The following DRC2 variants were observed in gnomAD, a reference collection of about 807,000 sequenced individuals.
DRC2 encodes the protein dynein regulatory complex subunit 2.
At chr12:48,904,259 G>A in the DRC2 span, 1 of 1,523,708 alleles carries the variant, frequency 6.6e-7, no homozygotes, top group Admixed American at 2.2e-5. Flanking sequence ...CCCTTTCTAG[G>A]GACATTTTTC....
the DRC2 span, among the ~76,000 whole-genome samples, chr12:48,910,922 A>G: frequency 6.6e-6 from 1 of 152,072 alleles, no homozygotes; most frequent in Non-Finnish European, 1.5e-5. Context: ...GTATGTGCCT[A>G]TAGTCCCAGC....
the DRC2 span, chr12:48,904,202 A>C: frequency 4.2e-6 from 5 of 1,201,000 alleles, no homozygotes; most frequent in East Asian, 2.4e-5. Flanking sequence ...GAGGGCTGAG[A>C]TCTCCGGTCC....
the DRC2 span, among the ~76,000 whole-genome samples, chr12:48,905,794 A>G: frequency 6.6e-6 from 1 of 151,980 alleles, no homozygotes; most frequent in South Asian, 2.1e-4. Context: ...TTTATTTGAC[A>G]TGGAGTCTTG....
the DRC2 span, among the ~76,000 whole-genome samples, chr12:48,912,905 A>C: frequency 4.5e-4 from 68 of 152,054 alleles, no homozygotes; most frequent in Middle Eastern, 3.4e-3. Context: ...TGGGAGGCCA[A>C]GCCAGGTGGA....
At chr12:48,916,472 C>T in the DRC2 span, among the ~76,000 whole-genome samples, 48,621 of 150,952 alleles carry the variant, frequency 0.32, 8,751 homozygotes, top group Admixed American at 0.47. Context: ...TGGAGGCGCG[C>T]GCCTGCAATC....
At chr12:48,921,408 G>A in the DRC2 span, 1 of 1,612,330 alleles carries the variant, frequency 6.2e-7, no homozygotes, top group South Asian at 1.1e-5. Context: ...CATACGTATA[G>A]CCCATCCAGG....
chr12:48,904,764 T>A, the DRC2 span, among the ~76,000 whole-genome samples: 1 of 152,202 alleles, frequency 6.6e-6, no homozygotes, highest in Non-Finnish European at 1.5e-5. Flanking sequence ...GATAGGTCAT[T>A]ACAAACAACA....
chr12:48,908,367 C>G, the DRC2 span, among the ~76,000 whole-genome samples: 2 of 152,036 alleles, frequency 1.3e-5, no homozygotes, highest in African/African-American at 2.4e-5. Flanking sequence ...CTAGATTTTG[C>G]ATCTATCCCT....
At chr12:48,912,437 C>CAAAAAAAAAAAAAAAAAAAA in the DRC2 span, among the ~76,000 whole-genome samples, 408 of 45,334 alleles carry the variant, frequency 9.0e-3, 75 homozygotes, top group African/African-American at 0.022. Context: ...GACGCCGTCT[C>CAAAAAAAAAAAAAAAAAAAA]AAAAAAAAAA....
the DRC2 span, chr12:48,914,316 CAAAG>C: frequency 1.5e-6 from 2 of 1,352,786 alleles, no homozygotes; most frequent in Non-Finnish European, 2.0e-6. Context: ...GCATTAGGAA[CAAAG>C]AAAAAACTGC....
At chr12:48,906,071 A>G in the DRC2 span, among the ~76,000 whole-genome samples, 1 of 152,180 alleles carries the variant, frequency 6.6e-6, no homozygotes, top group South Asian at 2.1e-4. Context: ...GCACCCAGCC[A>G]GAGTCTTTTC....
chr12:48,918,867 T>C, the DRC2 span: 35 of 1,613,996 alleles, frequency 2.2e-5, no homozygotes, highest in South Asian at 3.6e-4. Flanking sequence ...TGGAAAGTAA[T>C]GCCACCCTCA....
At chr12:48,904,569 G>A in the DRC2 span, 11 of 1,462,624 alleles carry the variant, frequency 7.5e-6, no homozygotes, top group African/African-American at 1.4e-5. Flanking sequence ...CCCCTCCTCC[G>A]GAAATCCTGA....
the DRC2 span, chr12:48,917,113 G>A: frequency 1.5e-5 from 24 of 1,613,586 alleles, no homozygotes; most frequent in East Asian, 8.9e-5. Context: ...AACATGGTAC[G>A]GAGGGAGAGT....
the DRC2 span, among the ~76,000 whole-genome samples, chr12:48,916,048 C>T: frequency 3.3e-5 from 5 of 149,500 alleles, no homozygotes; most frequent in Admixed American, 6.7e-5. Context: ...TGATGGCGGC[C>T]GGGAAGAGGC....
chr12:48,904,649 G>A, the DRC2 span, among the ~76,000 whole-genome samples: 1 of 152,188 alleles, frequency 6.6e-6, no homozygotes, highest in Non-Finnish European at 1.5e-5. Context: ...AAGCACGGAG[G>A]GGGTGCGTGG....
chr12:48,918,750 GTA>G, the DRC2 span: 213 of 1,614,006 alleles, frequency 1.3e-4, no homozygotes, highest in Non-Finnish European at 5.2e-5. Context: ...ATGAGAACCG[GTA>G]TATCCGTAAT....
At chr12:48,912,314 C>T in the DRC2 span, among the ~76,000 whole-genome samples, 1 of 151,034 alleles carries the variant, frequency 6.6e-6, no homozygotes, top group Admixed American at 6.6e-5. Context: ...CCTGTAGTCC[C>T]AGCTACTCAG....
At chr12:48,909,201 G>A in the DRC2 span, among the ~76,000 whole-genome samples, 7 of 150,694 alleles carry the variant, frequency 4.6e-5, no homozygotes, top group Middle Eastern at 3.5e-3. Context: ...GTGCCACCAC[G>A]CCCAGCTAAT....
Sources: gnomAD v4.1 joint callset for allele counts (sites outside exome capture counted in the v4.1 genomes callset) on GRCh38, gnomAD v4.1.1 for gene constraint, MANE v1.5 for transcripts, NCBI Gene and HGNC (gene_info 2026-07-23, HGNC 2026-07-21) for gene names.